ICE1: variants seen among roughly 807,000 people sequenced by gnomAD.
ICE1 encodes the protein little elongation complex subunit 1.
A neutral mutation model predicts 192.7 loss-of-function variants in ICE1; 64 were observed. The observed-to-expected ratio is 0.33, with a 90% confidence interval of 0.27 to 0.41. The LOEUF (loss-of-function observed/expected upper bound fraction) is 0.41. ICE1 is among the 10% of genes least tolerant of loss of function. The pLI, the probability that ICE1 is intolerant of heterozygous loss-of-function variation, is 1.00. For missense variants in ICE1, 2,708 were observed against 2,696.0 expected (o/e 1.00, Z -0.10); for synonymous variants, 1,010 against 984.5 (o/e 1.03, Z -0.49).
intron 7 of ICE1, among the ~76,000 whole-genome samples, chr5:5,444,874 A>G: frequency 6.6e-6 from 1 of 152,164 alleles, no homozygotes; most frequent in Non-Finnish European, 1.5e-5. Context: ...GCGAGAATCT[A>G]AGTCCTCACA....
rs532583532 is a variant in ICE1, at chr5:5,480,363, C to T, written c.6520+4284C>T. 4.6e-5 allele frequency among the ~76,000 whole-genome samples: 7 copies of T among 151,408 alleles called. No individual in the cohort carries two copies. In the East Asian group the frequency reaches 1.4e-3, roughly 30 times the overall value. The stretch of plus-strand genomic sequence containing the variant: ...CTCCCGGGTTTGCGCCATTCTCCTG[C>T]CTCAGCTTCCCTAGTAGCTGGGACT... On this transcript the variant is annotated intron_variant, in intron 17 of 18. Transcript: ENST00000296564.
chr5:5,461,191 G>C lies in ICE1; in HGVS notation c.1857G>C (p.Met619Ile). The change falls in exon 13 of 19, where the codon ATG (methionine) becomes ATC (isoleucine). Residue 619 changes from methionine to isoleucine, a missense_variant. Met to Ile is a conservative substitution (Grantham distance 10). Coordinates refer to ENST00000296564, the MANE Select transcript of ICE1 (RefSeq NM_015325.3). ...ESEDDDSGDG[M>I]DVAGLDIETS... is the part of the protein sequence containing the mutation. The stretch of plus-strand genomic sequence containing the variant: ...AAGATGATGACTCAGGTGATGGAAT[G>C]GATGTAGCAGGGCTTGACATTGAAA... The C allele has an allele frequency of 3.1e-6, 5 of 1,614,016 alleles. No homozygotes were observed. Among genetic ancestry groups the C allele is most frequent in the Non-Finnish European group, 4.2e-6 (5 of 1,179,900 alleles).
chr5:5,446,011 G>A (rs1387741862), intron 7 of ICE1, among the ~76,000 whole-genome samples: 1 of 151,180 alleles, frequency 6.6e-6, no homozygotes, highest in Non-Finnish European at 1.5e-5. Flanking sequence ...GAGTCACCGC[G>A]CCTGGCCCAC....
In ICE1 at chr5:5,463,835, C is replaced by T; in HGVS notation, c.4501C>T (p.Gln1501Ter). 1 of 1,613,944 alleles carries T rather than the reference C, an allele frequency of 6.2e-7. No individual in the cohort carries two copies. The highest frequency in any genetic ancestry group is 8.5e-7 in the Non-Finnish European group (1 of 1,179,864). ...CPQEDVSSSG[Q>*]STNFDKSRLR... The stretch of plus-strand genomic sequence containing the variant: ...CCAAGAGGATGTTTCAAGCAGTGGT[C>T]AGAGCACCAACTTTGATAAGAGTCG... The change falls in exon 13 of 19, where the codon CAG becomes TAG. Residue 1501 changes from glutamine to a stop codon, truncating the protein, a stop_gained. Coordinates refer to ENST00000296564, the MANE Select transcript of ICE1 (RefSeq NM_015325.3). LOFTEE classifies it high-confidence loss of function.
At chr5:5,429,194 G>GT (rs1011426975) in intron 1 of ICE1, among the ~76,000 whole-genome samples, 5 of 152,096 alleles carry the variant, frequency 3.3e-5, no homozygotes, top group Admixed American at 2.0e-4. Flanking sequence ...TAGTGCCTGA[G>GT]TTTTTTTTAC....
chr5:5,466,305 T>C (rs1738982146), intron 13 of ICE1, 29 bp from the exon 14 acceptor site: 5 of 1,573,246 alleles, frequency 3.2e-6, no homozygotes, highest in East Asian at 2.3e-5. Flanking sequence ...TGAGTGTACA[T>C]TGCCTTTTTA....
At position 5,422,947 on chromosome 5, in the gene ICE1, CCGGGA is replaced by C; in HGVS notation, c.36_40del (p.Thr13GlyfsTer18). 6.9e-7 allele frequency: 1 copy of C among 1,449,210 alleles called. No homozygotes were observed. The highest frequency in any genetic ancestry group is 9.1e-7 in the Non-Finnish European group (1 of 1,102,722). The allele number at this position is 1,449,210 out of a possible 1,614,324, so 89.8% of individuals were successfully genotyped here. A position where few individuals can be genotyped will look rare whatever the true frequency, so the allele number is the denominator to read the frequency against. ...CCGGGCGAGACCCATTCGGCGGCGCCCGGGACGGCGGCGGACCTGTCGCGATGTCA... is the reference window on the plus strand; with the variant it reads ...CCGGGCGAGACCCATTCGGCGGCGCCCGGCGGCGGACCTGTCGCGATGTCA... On this transcript the variant is annotated frameshift_variant, in exon 1 of 19. Transcript: ENST00000296564. LOFTEE classifies it high-confidence loss of function.
intron 7 of ICE1, among the ~76,000 whole-genome samples, chr5:5,445,951 T>G (rs1738209511): frequency 6.6e-6 from 1 of 151,942 alleles, no homozygotes. Flanking sequence ...ACTCCTAACC[T>G]CAGGTGATCC....
intron 10 of ICE1, among the ~76,000 whole-genome samples, chr5:5,448,901 C>G (rs538736393): frequency 4.1e-4 from 63 of 152,294 alleles, no homozygotes; most frequent in South Asian, 1.2e-3. Flanking sequence ...GATTCTTTGT[C>G]TCTTGTGTAT....
At chr5:5,482,640 A>G (rs572446979) in intron 17 of ICE1, among the ~76,000 whole-genome samples, 4 of 152,246 alleles carry the variant, frequency 2.6e-5, no homozygotes, top group African/African-American at 9.6e-5. Context: ...TACGCAGGAG[A>G]TGGGACTCAG....
intron 18 of ICE1, among the ~76,000 whole-genome samples, chr5:5,487,873 G>C (rs1739674392): frequency 6.6e-6 from 1 of 152,150 alleles, no homozygotes. Flanking sequence ...GGATCCCCAA[G>C]ACAGCCATCT....
At position 5,466,331 on chromosome 5, in the gene ICE1, C is replaced by T; in HGVS notation, c.5893-3C>T. On this transcript the variant is annotated splice_region_variant and splice_polypyrimidine_tract_variant and intron_variant, in intron 13 of 18. Transcript: ENST00000296564. ...TGCCTTTTTAATTTTTTTTTCAATC[C>T]AGCATTTAGCAGAGTGCTTGCTTCA... is the stretch of plus-strand genomic sequence containing the variant. 6.3e-7 allele frequency: 1 copy of T among 1,578,720 alleles called. No homozygotes were observed. Among genetic ancestry groups the T allele is most frequent in the African/African-American group, 1.4e-5 (1 of 72,518 alleles).
Position 5,439,900 on chromosome 5 carries a change from C to A in ICE1, c.184C>A (p.Gln62Lys). Residue 62 changes from glutamine to lysine, a missense_variant, in exon 4 of 19, where the codon CAG (glutamine) becomes AAG (lysine). Physicochemically the swap from Gln to Lys is moderately conservative, Grantham distance 53 (BLOSUM62 1). Transcript: ENST00000296564. ...TTTTCTTTAATAAGTTTTACAGCTGCAGTTTGCAAGAAGGTGAGCCAACCT... is the reference window on the plus strand; with the variant it reads ...TTTTCTTTAATAAGTTTTACAGCTGAAGTTTGCAAGAAGGTGAGCCAACCT... ...TEYQKKCDEL[Q>K]FARRENSNLH... 1 of 1,554,178 alleles carries A rather than the reference C, an allele frequency of 6.4e-7. No homozygotes were observed. The highest frequency in any genetic ancestry group is 8.7e-7 in the Non-Finnish European group (1 of 1,147,720).
At chr5:5,423,118 A>G (rs1251289038) in intron 1 of ICE1, 119 bp downstream of exon 1, 3 of 498,348 alleles carry the variant, frequency 6.0e-6, no homozygotes, top group South Asian at 7.4e-5. Context: ...TCCCTTCCCA[A>G]CCGTAGCTCT....
At chr5:5,486,183 G>A (rs1739634029) in intron 17 of ICE1, among the ~76,000 whole-genome samples, 1 of 152,192 alleles carries the variant, frequency 6.6e-6, no homozygotes, top group Non-Finnish European at 1.5e-5. Flanking sequence ...CTTTTTGAGT[G>A]TGAGCACCTG....
intron 1 of ICE1, among the ~76,000 whole-genome samples, chr5:5,434,493 CATT>C (rs138877414): frequency 0.042 from 6,447 of 152,186 alleles, 182 homozygotes; most frequent in Non-Finnish European, 0.062. Flanking sequence ...TTATAAGTGA[CATT>C]GTTGTAAAAT....
At chr5:5,444,748 C>T (rs535425536) in intron 7 of ICE1, among the ~76,000 whole-genome samples, 60 of 152,128 alleles carry the variant, frequency 3.9e-4, no homozygotes, top group African/African-American at 1.4e-3. Context: ...ACAGAGATTT[C>T]GATGAAATTT....
In ICE1 at chr5:5,465,194, G is replaced by A; in HGVS notation, c.5860G>A (p.Glu1954Lys). 6.3e-7 allele frequency: 1 copy of A among 1,591,164 alleles called. No individual in the cohort carries two copies. Among genetic ancestry groups the A allele is most frequent in the Non-Finnish European group, 8.6e-7 (1 of 1,167,972 alleles). ...GCCCGTAATGAGAGATCAAGAGAAG[G>A]AAGTTGTTTATGAATTTAGCACAAC... is the stretch of plus-strand genomic sequence containing the variant. Reference protein sequence around the residue: ...KKPVMRDQEKEVVYEFSTTKK... With the variant: ...KKPVMRDQEKKVVYEFSTTKK... Residue 1954 changes from glutamate to lysine, a missense_variant, in exon 13 of 19, where the codon GAA becomes AAA. Glu to Lys is a moderately conservative substitution (Grantham distance 56, BLOSUM62 1). This residue lies in a region of ICE1 where 342 missense variants were observed against 419.3 expected (regional missense o/e 0.82). Coordinates refer to ENST00000296564, the MANE Select transcript of ICE1 (RefSeq NM_015325.3).
chr5:5,459,563 T>C lies in ICE1; in HGVS notation c.1102-873T>C, dbSNP rs113262086. Reference sequence around the variant, plus strand: ...TCAGGACCCTGGGGAACCGTCCCTATGTAAGTGACAAGTAGAAGAAGTGTG... The same window carrying C: ...TCAGGACCCTGGGGAACCGTCCCTACGTAAGTGACAAGTAGAAGAAGTGTG... On this transcript the variant is annotated intron_variant, in intron 12 of 18. Transcript: ENST00000296564. Among the ~76,000 whole-genome samples, 811 of 152,072 alleles carry C rather than the reference T, an allele frequency of 5.3e-3. 6 individuals are homozygous for C. Among genetic ancestry groups the C allele is most frequent in the East Asian group, 0.028 (143 of 5,148 alleles).
Sources: gnomAD v4.1 joint callset for allele counts (sites outside exome capture counted in the v4.1 genomes callset) on GRCh38, gnomAD v4.1.1 for gene constraint, gnomAD v4.1.1 regional missense constraint, MANE v1.5 for transcripts, NCBI Gene and HGNC (gene_info 2026-07-23, HGNC 2026-07-21) for gene names.